UBE2E2: variants seen among roughly 807,000 people sequenced by gnomAD.
UBE2E2 encodes the protein ubiquitin-conjugating enzyme E2 E2.
Under a neutral mutation model 24.7 loss-of-function variants are expected in UBE2E2, and 6 were observed. The ratio of observed to expected loss-of-function variants is 0.24; its 90% CI spans 0.13 to 0.48. The LOEUF (loss-of-function observed/expected upper bound fraction) is 0.48, where lower values mean the gene tolerates loss of function less well. Among genes scored for constraint, UBE2E2 ranks in the 20% least tolerant of loss-of-function variants. UBE2E2 has a pLI of 0.99. For synonymous variants in UBE2E2, 104 were observed against 83.6 expected (o/e 1.24, Z -1.33); for missense variants, 169 against 245.0 (o/e 0.69, Z 2.07).
intron 5 of UBE2E2, among the ~76,000 whole-genome samples, chr3:23,546,122 C>T (rs934449512): frequency 6.6e-6 from 1 of 152,108 alleles, no homozygotes; most frequent in Non-Finnish European, 1.5e-5. Context: ...ATCCATGTAA[C>T]CAGAAACCAC....
chr3:23,327,092 G>A (rs11717397), intron 3 of UBE2E2, among the ~76,000 whole-genome samples: 73,414 of 151,928 alleles, frequency 0.48, 18,243 homozygotes, highest in Admixed American at 0.58. Context: ...ATTTGGGTTG[G>A]TTCCAAGTCT....
At chr3:23,512,176 T>C (rs1479815646) in intron 4 of UBE2E2, among the ~76,000 whole-genome samples, 1 of 151,364 alleles carries the variant, frequency 6.6e-6, no homozygotes, top group Non-Finnish European at 1.5e-5. Context: ...CCTACAGCCT[T>C]TCTTTCCTGC....
chr3:23,432,078 C>T (rs181368197), intron 3 of UBE2E2, among the ~76,000 whole-genome samples: 1 of 152,294 alleles, frequency 6.6e-6, no homozygotes, highest in East Asian at 1.9e-4. Flanking sequence ...GATAAATGTT[C>T]TGCAGCTATA....
At chr3:23,330,040 G>A (rs1042180282) in intron 3 of UBE2E2, among the ~76,000 whole-genome samples, 1 of 152,152 alleles carries the variant, frequency 6.6e-6, no homozygotes, top group Non-Finnish European at 1.5e-5. Context: ...TTATTTCTGT[G>A]ATGCTACCCC....
intron 2 of UBE2E2, among the ~76,000 whole-genome samples, chr3:23,214,373 C>T (rs1037738788): frequency 2.0e-5 from 3 of 152,030 alleles, no homozygotes; most frequent in Non-Finnish European, 2.9e-5. Flanking sequence ...CCTGCCTTGG[C>T]CTCCTGAGTA....
At chr3:23,357,107 A>G (rs534186270) in intron 3 of UBE2E2, among the ~76,000 whole-genome samples, 1 of 152,352 alleles carries the variant, frequency 6.6e-6, no homozygotes, top group South Asian at 2.1e-4. Context: ...ATCATTGGCC[A>G]GAATAGTTGC....
At chr3:23,482,162 A>C (rs1186314186) in intron 3 of UBE2E2, among the ~76,000 whole-genome samples, 1 of 152,244 alleles carries the variant, frequency 6.6e-6, no homozygotes, top group Non-Finnish European at 1.5e-5. Context: ...TCTTTTGAGC[A>C]ACAAGATGTT....
At chr3:23,475,567 A>T (rs1037826204) in intron 3 of UBE2E2, among the ~76,000 whole-genome samples, 3 of 152,070 alleles carry the variant, frequency 2.0e-5, no homozygotes, top group African/African-American at 7.3e-5. Context: ...TTGTTCCATG[A>T]AAGGGTCATA....
intron 5 of UBE2E2, among the ~76,000 whole-genome samples, chr3:23,565,873 T>G (rs1408429297): frequency 6.6e-6 from 1 of 152,138 alleles, no homozygotes; most frequent in Non-Finnish European, 1.5e-5. Flanking sequence ...TTTAAGAACC[T>G]CCGTCATGAG....
chr3:23,264,371 G>GAA (rs796834059), intron 3 of UBE2E2, among the ~76,000 whole-genome samples: 1 of 138,118 alleles, frequency 7.2e-6, no homozygotes, highest in Non-Finnish European at 1.6e-5. Context: ...AAAGGAAAAG[G>GAA]AAAAAAAAAA....
intron 5 of UBE2E2, among the ~76,000 whole-genome samples, chr3:23,538,337 A>G (rs1457503558): frequency 1.3e-5 from 2 of 152,138 alleles, no homozygotes; most frequent in African/African-American, 2.4e-5. Flanking sequence ...ACTTCCAAAT[A>G]TGGATGTGGA....
Position 23,355,883 on chromosome 3 carries a change from T to C in UBE2E2, c.227+138571T>C, listed in dbSNP as rs187367242. Among the ~76,000 whole-genome samples the C allele has an allele frequency of 2.1e-4, 32 of 152,340 alleles. No homozygotes were observed. In the East Asian group the frequency reaches 2.9e-3, roughly 14 times the overall value. On this transcript the variant is annotated intron_variant, in intron 3 of 5. Transcript: ENST00000396703. Reference sequence around the variant, plus strand: ...TCGTACATACCTCTCTCTAAATGCATTGAGGAAAATTATATCTCTTACGTA... The same window carrying C: ...TCGTACATACCTCTCTCTAAATGCACTGAGGAAAATTATATCTCTTACGTA...
intron 3 of UBE2E2, among the ~76,000 whole-genome samples, chr3:23,364,202 A>T (rs1279016246): frequency 2.0e-5 from 3 of 152,156 alleles, no homozygotes; most frequent in South Asian, 2.1e-4. Context: ...TTAACCTAAC[A>T]TCACACCCAG....
intron 4 of UBE2E2, among the ~76,000 whole-genome samples, chr3:23,532,229 T>C (rs1321988587): frequency 6.6e-6 from 1 of 152,180 alleles, no homozygotes; most frequent in South Asian, 2.1e-4. Context: ...CAGAGTCAGT[T>C]TCTCCCCATG....
At chr3:23,380,522 G>T (rs1313021272) in intron 3 of UBE2E2, among the ~76,000 whole-genome samples, 1 of 152,190 alleles carries the variant, frequency 6.6e-6, no homozygotes, top group African/African-American at 2.4e-5. Flanking sequence ...CCGGTGCCCA[G>T]CCTCACTTTC....
At chr3:23,205,266 T>G (rs1199032852) in intron 1 of UBE2E2, among the ~76,000 whole-genome samples, 1 of 152,224 alleles carries the variant, frequency 6.6e-6, no homozygotes, top group Non-Finnish European at 1.5e-5. Flanking sequence ...AGTAGCTGTT[T>G]GTTTATAACC....
At chr3:23,518,476 G>C (rs190361581) in intron 4 of UBE2E2, among the ~76,000 whole-genome samples, 180 of 152,356 alleles carry the variant, frequency 1.2e-3, no homozygotes, top group Middle Eastern at 6.8e-3. Flanking sequence ...AGGTATGTTT[G>C]TGATAGTCCT....
intron 3 of UBE2E2, among the ~76,000 whole-genome samples, chr3:23,440,759 G>A (rs1304919696): frequency 2.0e-5 from 3 of 152,120 alleles, no homozygotes; most frequent in Non-Finnish European, 4.4e-5. Flanking sequence ...TAACTGTAAA[G>A]AGCTGAGTTA....
chr3:23,529,237 T>A (rs996174627), intron 4 of UBE2E2, among the ~76,000 whole-genome samples: 1 of 152,200 alleles, frequency 6.6e-6, no homozygotes, highest in African/African-American at 2.4e-5. Context: ...CACACAAATC[T>A]ATACATGTGA....
Sources: allele counts gnomAD v4.1 joint callset (sites outside exome capture counted in the v4.1 genomes callset), GRCh38; gene constraint gnomAD v4.1.1; transcripts MANE v1.5; gene names NCBI Gene and HGNC (gene_info 2026-07-23, HGNC 2026-07-21).